Variants in CFAP61 observed in about 807,000 individuals in gnomAD.
CFAP61 encodes cilia- and flagella-associated protein 61.
In CFAP61, 107 loss-of-function variants were observed where a neutral mutation model predicts 135.6. The observed-to-expected ratio is 0.79, with a 90% CI of 0.67 to 0.93. The LOEUF (loss-of-function observed/expected upper bound fraction) is 0.93, where lower values mean the gene tolerates loss of function less well. Among genes scored for constraint, CFAP61 ranks in the 40% least tolerant of loss-of-function variants. The pLI is 0.00. For synonymous variants in CFAP61, 575 were observed against 578.5 expected, an observed-to-expected ratio of 0.99 and a Z score of 0.09; for missense variants, 1,507 against 1,556.2, an observed-to-expected ratio of 0.97 and a Z score of 0.53.
At chr20:20,190,457 G>A (rs2055839226) in intron 14 of CFAP61, among the ~76,000 whole-genome samples, 1 of 152,324 alleles carries the variant, frequency 6.6e-6, no homozygotes, top group East Asian at 1.9e-4. Context: ...GGTTAAGGAT[G>A]CGGGGAGGGT....
Position 20,251,656 on chromosome 20 carries a change from GT to G in CFAP61, c.2222del (p.Val741GlyfsTer4), listed in dbSNP as rs867815544. 1 of 1,614,134 alleles carries G rather than the reference GT, an allele frequency of 6.2e-7. No homozygotes were observed. Among genetic ancestry groups the G allele is most frequent in the African/African-American group, 1.3e-5 (1 of 74,952 alleles). ...MSLCSWVNVV[V>X]GRMTGIDRAA... ...ACTGTGCTCCTGGGTTAATGTCGTG[GT>G]GGGTAGAATGACCGGCATAGACCGA... On this transcript the variant is annotated frameshift_variant, in exon 20 of 27. Coordinates refer to ENST00000245957, the MANE Select transcript of CFAP61 (RefSeq NM_015585.4). LOFTEE classifies it high-confidence loss of function.
chr20:20,090,469 A>G (rs371684405), intron 6 of CFAP61, among the ~76,000 whole-genome samples: 44 of 152,260 alleles, frequency 2.9e-4, no homozygotes, highest in African/African-American at 9.6e-4. Context: ...AGGCAGGCAG[A>G]TCATGAGGTC....
Position 20,360,639 on chromosome 20 carries a change from G to C in CFAP61, c.*229G>C. 1 of 566,408 alleles carries C rather than the reference G, an allele frequency of 1.8e-6. No individual in the cohort carries two copies. The highest frequency in any genetic ancestry group is 2.3e-5 in the South Asian group (1 of 44,158). 35.1% of individuals were successfully genotyped at this position (566,408 alleles called of 1,614,324 possible). On this transcript the variant is annotated 3_prime_UTR_variant, in exon 27 of 27. Transcript: ENST00000245957. ...GGGCAGGCTCGCTTTACAAATCCCAGGCATGTTCCTGTGCAGAATAATCCA... is the reference window on the plus strand; with the variant it reads ...GGGCAGGCTCGCTTTACAAATCCCACGCATGTTCCTGTGCAGAATAATCCA...
intron 25 of CFAP61, among the ~76,000 whole-genome samples, chr20:20,333,369 A>G (rs564669850): frequency 6.6e-6 from 1 of 152,320 alleles, no homozygotes; most frequent in South Asian, 2.1e-4. Context: ...GACTAACGCT[A>G]ACTAGCTCCA....
chr20:20,344,863 A>G (rs1178916586), intron 26 of CFAP61, among the ~76,000 whole-genome samples: 3 of 152,182 alleles, frequency 2.0e-5, no homozygotes. Context: ...GCATCCAACA[A>G]GTGAATGGAT....
chr20:20,284,575 G>A (rs373855724), intron 22 of CFAP61, among the ~76,000 whole-genome samples: 3 of 152,244 alleles, frequency 2.0e-5, no homozygotes, highest in Admixed American at 6.5e-5. Flanking sequence ...ATGAGCCACC[G>A]CGCCCGGCCT....
At chr20:20,098,624 AAAG>A in intron 7 of CFAP61, 28 bp from the exon 8 acceptor site, 1 of 1,530,826 alleles carries the variant, frequency 6.5e-7, no homozygotes, top group Non-Finnish European at 8.7e-7. Context: ...AAAAAAAAAA[AAAG>A]AATAATGAGG....
intron 8 of CFAP61, among the ~76,000 whole-genome samples, chr20:20,135,536 T>G (rs1296341212): frequency 6.6e-6 from 1 of 152,210 alleles, no homozygotes; most frequent in Non-Finnish European, 1.5e-5. Flanking sequence ...CATTGTATGT[T>G]TTTAGATTTG....
chr20:20,244,189 T>A (rs774041222), intron 18 of CFAP61, among the ~76,000 whole-genome samples: 6 of 152,064 alleles, frequency 3.9e-5, no homozygotes, highest in Non-Finnish European at 7.4e-5. Flanking sequence ...CATTCTGGGG[T>A]CTGGAGGAGG....
At chr20:20,145,780 T>C (rs926171550) in intron 9 of CFAP61, among the ~76,000 whole-genome samples, 1 of 152,126 alleles carries the variant, frequency 6.6e-6, no homozygotes, top group South Asian at 2.1e-4. Context: ...CTATAAGAGA[T>C]AACAAAGGCC....
intron 25 of CFAP61, among the ~76,000 whole-genome samples, chr20:20,312,298 AG>A (rs2056880448): frequency 6.6e-6 from 1 of 152,234 alleles, no homozygotes; most frequent in Non-Finnish European, 1.5e-5. Flanking sequence ...GTGATTAAAA[AG>A]TTAAGATGTG....
At chr20:20,310,225 C>T (rs1179844579) in intron 25 of CFAP61, among the ~76,000 whole-genome samples, 2 of 152,146 alleles carry the variant, frequency 1.3e-5, no homozygotes, top group African/African-American at 4.8e-5. Context: ...AACTCCTGAT[C>T]TCAGATGATC....
chr20:20,329,184 A>G (rs1207622868), intron 25 of CFAP61, among the ~76,000 whole-genome samples: 1 of 151,946 alleles, frequency 6.6e-6, no homozygotes, highest in African/African-American at 2.4e-5. Context: ...TGGGATTGCC[A>G]TCAACCGTCT....
chr20:20,083,942 A>G (rs778614819), intron 6 of CFAP61, among the ~76,000 whole-genome samples: 6 of 152,246 alleles, frequency 3.9e-5, no homozygotes, highest in Non-Finnish European at 8.8e-5. Context: ...GAAGTTCTAC[A>G]GTGGAATACT....
Position 20,187,992 on chromosome 20 carries a change from C to A in CFAP61, c.1448C>A (p.Thr483Asn), listed in dbSNP as rs1375652053. 4 of 1,613,756 alleles carry A rather than the reference C, an allele frequency of 2.5e-6. No individual in the cohort carries two copies. The highest frequency in any genetic ancestry group is 1.7e-6 in the Non-Finnish European group (2 of 1,179,766). Residue 483 changes from threonine (T) to asparagine (N), a missense_variant, in exon 14 of 27, where the codon ACC (threonine) becomes AAC (asparagine). Transcript: ENST00000245957. ...DTPGVENLVS[T>N]LMLNKSILED... ...CCTGGTGTGGAAAATCTTGTCAGCACCCTCATGTTGAATAAAAGCATATTG... is the reference window on the plus strand; with the variant it reads ...CCTGGTGTGGAAAATCTTGTCAGCAACCTCATGTTGAATAAAAGCATATTG...
At chr20:20,063,675 G>A (rs1167641653) in intron 2 of CFAP61, among the ~76,000 whole-genome samples, 1 of 152,184 alleles carries the variant, frequency 6.6e-6, no homozygotes, top group Non-Finnish European at 1.5e-5. Flanking sequence ...GAGGATGCCT[G>A]TTGTCATGAG....
intron 21 of CFAP61, among the ~76,000 whole-genome samples, chr20:20,275,599 C>T (rs1034430984): frequency 9.2e-5 from 14 of 152,196 alleles, no homozygotes; most frequent in African/African-American, 3.4e-4. Flanking sequence ...AGAATAAGCC[C>T]AGCTCACAGT....
chr20:20,189,340 C>T (rs547119046), intron 14 of CFAP61, among the ~76,000 whole-genome samples: 15 of 152,254 alleles, frequency 9.9e-5, no homozygotes, highest in Admixed American at 8.5e-4. Flanking sequence ...GAGGTCAAGT[C>T]CTGGTTCTCA....
rs118047358 is a variant in CFAP61, at chr20:20,087,422, G to T, written c.567-3422G>T. ...TTGTTCCTGCATTAATTCACTTAGG[G>T]TAATGACCTTCAGCTGCAACCATGT... is the stretch of plus-strand genomic sequence containing the variant. On this transcript the variant is annotated intron_variant, in intron 6 of 26. Transcript: ENST00000245957. Among the ~76,000 whole-genome samples, 1,245 of 152,258 alleles carry T rather than the reference G, an allele frequency of 8.2e-3. 7 individuals are homozygous for T. The highest frequency in any genetic ancestry group is 0.014 in the Non-Finnish European group (945 of 68,026).
Sources: gnomAD v4.1 joint callset for allele counts (sites outside exome capture counted in the v4.1 genomes callset) on GRCh38, gnomAD v4.1.1 for gene constraint, MANE v1.5 for transcripts, NCBI Gene and HGNC (gene_info 2026-07-23, HGNC 2026-07-21) for gene names.